The following DYNC1I1 variants were observed in gnomAD, a reference collection of about 807,000 sequenced individuals.
DYNC1I1 encodes cytoplasmic dynein 1 intermediate chain 1.
A neutral mutation model predicts 86.6 loss-of-function variants in DYNC1I1; 43 were observed. That is an observed-to-expected ratio of 0.50 (90% CI 0.39 to 0.64). The LOEUF is 0.64. Among genes scored for constraint, DYNC1I1 ranks in the 30% least tolerant of loss-of-function variants. The probability of loss-of-function intolerance (pLI) is 0.00; values close to 1 mark genes in which losing one functional copy is unlikely to be tolerated. For synonymous variants in DYNC1I1, 262 were observed against 283.7 expected, an observed-to-expected ratio of 0.92 and a Z score of 0.77; for missense variants, 604 against 788.8, an observed-to-expected ratio of 0.77 and a Z score of 2.81.
intron 16 of DYNC1I1, among the ~76,000 whole-genome samples, chr7:96,091,212 A>T (rs1584315356): frequency 6.6e-6 from 1 of 152,140 alleles, no homozygotes. Flanking sequence ...GTGGAAACCG[A>T]TGTACATTTC....
chr7:96,036,531 G>C (rs753708963), intron 13 of DYNC1I1, among the ~76,000 whole-genome samples: 1 of 152,086 alleles, frequency 6.6e-6, no homozygotes, highest in African/African-American at 2.4e-5. Context: ...AGCATTAATC[G>C]TATTTTAGTT....
At chr7:96,014,321 C>T (rs748554676) in intron 10 of DYNC1I1, among the ~76,000 whole-genome samples, 10 of 152,174 alleles carry the variant, frequency 6.6e-5, no homozygotes, top group Non-Finnish European at 1.5e-4. Flanking sequence ...GAACGTGAGT[C>T]TCCTGACTCC....
chr7:95,913,626 G>A (rs948535769), intron 6 of DYNC1I1, among the ~76,000 whole-genome samples: 2 of 152,176 alleles, frequency 1.3e-5, no homozygotes, highest in Non-Finnish European at 2.9e-5. Context: ...TCCTAGCCAA[G>A]TGGAACTGTG....
intron 1 of DYNC1I1, among the ~76,000 whole-genome samples, chr7:95,791,631 T>C (rs1010480777): frequency 6.6e-6 from 1 of 152,198 alleles, no homozygotes; most frequent in Non-Finnish European, 1.5e-5. Flanking sequence ...CCTCAAGGAA[T>C]TTGGGGCAAT....
At chr7:96,080,226 C>A (rs1442106631) in intron 15 of DYNC1I1, 137 bp from the exon 16 acceptor site, 4 of 1,121,162 alleles carry the variant, frequency 3.6e-6, no homozygotes, top group Non-Finnish European at 4.8e-6. Context: ...CCTTTTTCCC[C>A]CCGGCACAAG....
chr7:95,809,736 G>T (rs1234182063), intron 2 of DYNC1I1, among the ~76,000 whole-genome samples: 3 of 152,060 alleles, frequency 2.0e-5, no homozygotes, highest in African/African-American at 7.2e-5. Flanking sequence ...TCTTGTAAAT[G>T]TTTTGTTTTA....
rs753097738 is a variant in DYNC1I1 at position 96,103,614 on chromosome 7, A to AT, written c.1543-6349dup. Among the ~76,000 whole-genome samples, 1,204 of 143,240 alleles carry AT rather than the reference A, an allele frequency of 8.4e-3. 4 individuals are homozygous for AT. Among genetic ancestry groups the AT allele is most frequent in the Middle Eastern group, 0.019 (5 of 264 alleles). The allele number at this position is 143,240 out of a possible 152,430, so 94.0% of individuals were successfully genotyped here. On this transcript the variant is annotated intron_variant, in intron 16 of 16. Transcript: ENST00000537881. ...ATAGTGGCCCACAGGCTCTATATGG[A>AT]TTTTTTTTTTTTTTTTGAGACGGAG... is the stretch of plus-strand genomic sequence containing the variant.
chr7:95,780,857 C>T lies in DYNC1I1; in HGVS notation c.-10+8084C>T, dbSNP rs184669987. On this transcript the variant is annotated intron_variant, in intron 1 of 16. Coordinates refer to ENST00000447467, the MANE Select transcript of DYNC1I1 (RefSeq NM_001135556.2). ...TGGGTTTGGATGATGGAAAAGGAAGCAGGCCCTGTGGGGAATGTGTGTTTT... is the reference window on the plus strand; with the variant it reads ...TGGGTTTGGATGATGGAAAAGGAAGTAGGCCCTGTGGGGAATGTGTGTTTT... Among the ~76,000 whole-genome samples, 234 of 152,234 alleles carry T rather than the reference C, an allele frequency of 1.5e-3. 1 individual carries two copies. The highest frequency in any genetic ancestry group is 2.4e-3 in the Non-Finnish European group (161 of 68,016).
intron 5 of DYNC1I1, among the ~76,000 whole-genome samples, chr7:95,830,812 C>G (rs1338136886): frequency 6.6e-6 from 1 of 152,136 alleles, no homozygotes; most frequent in Non-Finnish European, 1.5e-5. Context: ...TACCATTATG[C>G]ATTCCCACGA....
At chr7:95,825,992 A>G (rs967318241) in intron 4 of DYNC1I1, among the ~76,000 whole-genome samples, 1 of 152,232 alleles carries the variant, frequency 6.6e-6, no homozygotes, top group African/African-American at 2.4e-5. Flanking sequence ...ATTCTGATGA[A>G]CATGAAAGCT....
chr7:95,848,546 C>T (rs1469223684), intron 5 of DYNC1I1, among the ~76,000 whole-genome samples: 1 of 152,068 alleles, frequency 6.6e-6, no homozygotes, highest in African/African-American at 2.4e-5. Context: ...TCATCTATAT[C>T]GTTGCAAATG....
chr7:96,055,342 G>A (rs981777576), intron 14 of DYNC1I1, among the ~76,000 whole-genome samples: 1 of 151,534 alleles, frequency 6.6e-6, no homozygotes, highest in Non-Finnish European at 1.5e-5. Context: ...AAACAACCAT[G>A]GCATGGGTAT....
At chr7:95,836,730 G>A (rs1789103950) in intron 5 of DYNC1I1, among the ~76,000 whole-genome samples, 2 of 151,708 alleles carry the variant, frequency 1.3e-5, no homozygotes, top group African/African-American at 4.8e-5. Context: ...ATCTTCCATT[G>A]CTGATACCCT....
intron 1 of DYNC1I1, among the ~76,000 whole-genome samples, chr7:95,775,466 A>G (rs1793817163): frequency 6.6e-6 from 1 of 152,218 alleles, no homozygotes; most frequent in Non-Finnish European, 1.5e-5. Flanking sequence ...TAAAACTAGG[A>G]CCCATCCATT....
chr7:95,934,057 T>C (rs373099573), intron 6 of DYNC1I1, among the ~76,000 whole-genome samples: 1 of 152,234 alleles, frequency 6.6e-6, no homozygotes, highest in East Asian at 1.9e-4. Flanking sequence ...CTAGCAATAA[T>C]TGCCTGGTGG....
At chr7:95,878,041 C>T (rs1790354869) in intron 6 of DYNC1I1, among the ~76,000 whole-genome samples, 1 of 152,070 alleles carries the variant, frequency 6.6e-6, no homozygotes, top group Non-Finnish European at 1.5e-5. Flanking sequence ...CCAAAATAGC[C>T]CAACCAATCA....
downstream of DYNC1I1, among the ~76,000 whole-genome samples, chr7:96,099,653 C>T (rs553799156): frequency 6.6e-6 from 1 of 152,220 alleles, no homozygotes; most frequent in South Asian, 2.1e-4. Context: ...GAGAGATGAT[C>T]TCTTTCATGT....
intron 4 of DYNC1I1, among the ~76,000 whole-genome samples, chr7:95,826,281 A>G (rs1420530680): frequency 3.9e-5 from 6 of 152,212 alleles, no homozygotes; most frequent in Non-Finnish European, 7.3e-5. Context: ...CAGCCAGAGC[A>G]TAGAAGGGAA....
rs1044539064 is a variant in DYNC1I1 at position 95,969,486 on chromosome 7, A to G, written c.491-8026A>G. On this transcript the variant is annotated intron_variant, in intron 6 of 16. Transcript: ENST00000447467. ...GATCAGTCAAGCCTCCTTGTCTCCA[A>G]ACATCAAACTGCTGAAGGTATCCAC... is the stretch of plus-strand genomic sequence containing the variant. Among the ~76,000 whole-genome samples the G allele has an allele frequency of 7.2e-5, 11 of 152,286 alleles. No individual in the cohort carries two copies. In the Middle Eastern group the frequency reaches 0.01, roughly 141 times the overall value.
Sources: allele counts gnomAD v4.1 joint callset (sites outside exome capture counted in the v4.1 genomes callset), GRCh38; gene constraint gnomAD v4.1.1; transcripts MANE v1.5; gene names NCBI Gene and HGNC (gene_info 2026-07-23, HGNC 2026-07-21).